YTHDF3: variants seen among roughly 807,000 people sequenced by gnomAD.
YTHDF3 encodes YTH domain-containing family protein 3.
YTHDF3 carries 9 observed loss-of-function variants against 52.5 expected under a neutral mutation model. That is an observed-to-expected ratio of 0.17 (90% CI 0.10 to 0.30). The LOEUF is 0.30. Ranked by LOEUF, YTHDF3 falls within the 10% of genes least tolerant of loss-of-function variation. The pLI, the probability that YTHDF3 is intolerant of heterozygous loss-of-function variation, is 1.00. For missense variants in YTHDF3, 534 were observed against 715.0 expected, an observed-to-expected ratio of 0.75 and a Z score of 2.89; for synonymous variants, 274 against 243.3, an observed-to-expected ratio of 1.13 and a Z score of -1.18.
intron 4 of YTHDF3, among the ~76,000 whole-genome samples, chr8:63,196,316 C>A (rs551819004): frequency 3.0e-4 from 45 of 150,960 alleles, no homozygotes; most frequent in Admixed American, 9.9e-4. Flanking sequence ...AATCACAGCA[C>A]TTTCGGAGGC....
chr8:63,169,536 T>C, intron 2 of YTHDF3, 125 bp downstream of exon 2: 1 of 1,093,636 alleles, frequency 9.1e-7, no homozygotes, highest in Non-Finnish European at 1.3e-6. Context: ...GGGAAAATAT[T>C]CATCATGGCT....
At chr8:63,200,700 A>G (rs934355554) in intron 4 of YTHDF3, among the ~76,000 whole-genome samples, 1 of 152,160 alleles carries the variant, frequency 6.6e-6, no homozygotes, top group Non-Finnish European at 1.5e-5. Context: ...CAGGTTTTCA[A>G]ATTTTTATTT....
Position 63,209,791 on chromosome 8 carries a change from G to T in YTHDF3, c.*85G>T, listed in dbSNP as rs1010534939. The T allele has an allele frequency of 1.4e-4, 192 of 1,325,824 alleles. 2 individuals carry two copies. The highest frequency in any genetic ancestry group is 6.4e-4 in the East Asian group (26 of 40,702). 82.1% of individuals were successfully genotyped at this position (1,325,824 alleles called of 1,614,324 possible). On this transcript the variant is annotated 3_prime_UTR_variant, in exon 5 of 5. Coordinates refer to ENST00000539294, the MANE Select transcript of YTHDF3 (RefSeq NM_152758.6). ...AATAAGTCAAAGAAGACGTATTAAA[G>T]CTCTTTTCTGCTTAAGGTGACATCT...
At chr8:63,204,046 A>G (rs1219612866) in intron 4 of YTHDF3, among the ~76,000 whole-genome samples, 1 of 152,220 alleles carries the variant, frequency 6.6e-6, no homozygotes, top group Non-Finnish European at 1.5e-5. Context: ...TGCAGCCCAC[A>G]CTTGAGGAAA....
At chr8:63,178,039 T>C (rs1181572986) in intron 3 of YTHDF3, among the ~76,000 whole-genome samples, 2 of 152,240 alleles carry the variant, frequency 1.3e-5, no homozygotes, top group Non-Finnish European at 2.9e-5. Flanking sequence ...ATTACAGGCA[T>C]GGAACACCGC....
In YTHDF3 at chr8:63,173,923, G is replaced by GTGTA. The variant is rs1307965341; in HGVS notation, c.50-1407_50-1404dup. On this transcript the variant is annotated intron_variant, in intron 2 of 4. Coordinates refer to ENST00000539294, the MANE Select transcript of YTHDF3 (RefSeq NM_152758.6). Reference sequence around the variant, plus strand: ...CTTGTGGCCTCTGAGGGGCAGTGTGGTGTAGTAAGAAGTCTACTTTGAATG... The same window carrying GTGTA: ...CTTGTGGCCTCTGAGGGGCAGTGTGGTGTATGTAGTAAGAAGTCTACTTTGAATG... Among the ~76,000 whole-genome samples the GTGTA allele has an allele frequency of 4.6e-5, 7 of 152,208 alleles. No individual in the cohort carries two copies. In the East Asian group the frequency reaches 1.4e-3, roughly 29 times the overall value.
intron 4 of YTHDF3, among the ~76,000 whole-genome samples, chr8:63,198,626 G>T (rs1334630328): frequency 6.6e-6 from 1 of 152,014 alleles, no homozygotes; most frequent in Non-Finnish European, 1.5e-5. Context: ...TTCATATTTG[G>T]AATAACTTTA....
rs532414619 is a variant in YTHDF3 at position 63,211,539 on chromosome 8, A to G, written c.*1833A>G. 22 of 152,678 alleles carry G rather than the reference A, an allele frequency of 1.4e-4. 1 individual carries two copies. The East Asian group carries it at 3.1e-3, about 21-fold the overall frequency. The allele number at this position is 152,678 out of a possible 1,614,324, so 9.5% of individuals were successfully genotyped here. A position where few individuals can be genotyped will look rare whatever the true frequency, so the allele number is the denominator to read the frequency against. On this transcript the variant is annotated 3_prime_UTR_variant, in exon 5 of 5. Coordinates refer to ENST00000539294, the MANE Select transcript of YTHDF3 (RefSeq NM_152758.6). ...TGACTGTTGTCATTCTGGAGGTCCT[A>G]TTAGAGAATATTATAAAAGGGTGAC...
At chr8:63,178,031 T>A (rs1181786050) in intron 3 of YTHDF3, among the ~76,000 whole-genome samples, 1 of 152,238 alleles carries the variant, frequency 6.6e-6, no homozygotes, top group East Asian at 1.9e-4. Flanking sequence ...GTGCTGGGAT[T>A]ACAGGCATGG....
chr8:63,173,202 T>TTTTATATATATATA lies in YTHDF3; in HGVS notation c.50-2128_50-2127insTTATATATATATAT, dbSNP rs1554533374. Among the ~76,000 whole-genome samples, 235 of 125,918 alleles carry TTTTATATATATATA rather than the reference T, an allele frequency of 1.9e-3. 8 individuals are homozygous for TTTTATATATATATA. Among genetic ancestry groups the TTTTATATATATATA allele is most frequent in the African/African-American group, 9.0e-3 (222 of 24,804 alleles). 82.6% of individuals were successfully genotyped at this position (125,918 alleles called of 152,430 possible). A position where few individuals can be genotyped will look rare whatever the true frequency, so the allele number is the denominator to read the frequency against. Reference sequence around the variant, plus strand: ...AAAAATAAGAATAACAGGATTATATTTATATATATATACAGATAAATTTTA... The same window carrying TTTTATATATATATA: ...AAAAATAAGAATAACAGGATTATATTTTTATATATATATATATATATATATACAGATAAATTTTA... On this transcript the variant is annotated intron_variant, in intron 2 of 4. Transcript: ENST00000539294.
chr8:63,186,826 A>G lies in YTHDF3; in HGVS notation c.815A>G (p.His272Arg). The G allele has an allele frequency of 6.2e-7, 1 of 1,613,992 alleles. No homozygotes were observed. Among genetic ancestry groups the G allele is most frequent in the Non-Finnish European group, 8.5e-7 (1 of 1,179,882 alleles). Residue 272 changes from histidine (H) to arginine (R), a missense_variant, in exon 4 of 5, where the codon CAC becomes CGC. Coordinates refer to ENST00000539294, the MANE Select transcript of YTHDF3 (RefSeq NM_152758.6). ...GCTGTACCACCACCTCCTATAAAACACAACATGAATATTGGAACTTGGGAT... is the reference window on the plus strand; with the variant it reads ...GCTGTACCACCACCTCCTATAAAACGCAACATGAATATTGGAACTTGGGAT... ...GSAVPPPPIK[H>R]NMNIGTWDEK...
At chr8:63,193,301 C>G (rs146511707) in intron 4 of YTHDF3, among the ~76,000 whole-genome samples, 25 of 143,910 alleles carry the variant, frequency 1.7e-4, no homozygotes, top group African/African-American at 5.7e-4. Flanking sequence ...TTGGTTGAAC[C>G]AGGGAGGTGG....
At chr8:63,203,820 TC>T (rs1422533780) in intron 4 of YTHDF3, among the ~76,000 whole-genome samples, 1 of 152,210 alleles carries the variant, frequency 6.6e-6, no homozygotes, top group African/African-American at 2.4e-5. Flanking sequence ...TCCCTCAATT[TC>T]GGTTTGGCTG....
chr8:63,169,088 G>A, intron 1 of YTHDF3, 187 bp downstream of exon 1: 1 of 1,383,480 alleles, frequency 7.2e-7, no homozygotes, highest in Non-Finnish European at 9.3e-7. Flanking sequence ...CGGGCGGGCG[G>A]GCGCGGTGCC....
chr8:63,192,013 T>C (rs1344055660), intron 4 of YTHDF3, among the ~76,000 whole-genome samples: 2 of 152,192 alleles, frequency 1.3e-5, no homozygotes, highest in East Asian at 3.8e-4. Context: ...ACAATAAAAT[T>C]CACTTTTGGC....
Position 63,210,834 on chromosome 8 carries a change from TA to T in YTHDF3, c.*1129del, listed in dbSNP as rs1201081965. 3.3e-5 allele frequency: 5 copies of T among 152,610 alleles called. No homozygotes were observed. Among genetic ancestry groups the T allele is most frequent in the African/African-American group, 1.2e-4 (5 of 41,468 alleles). 9.5% of individuals were successfully genotyped at this position (152,610 alleles called of 1,614,324 possible). Reference sequence around the variant, plus strand: ...TCTTATAGTTATCTTTTTAACATCTTATTTTTTTCATTAATTACATATCAAC... The same window carrying T: ...TCTTATAGTTATCTTTTTAACATCTTTTTTTTTCATTAATTACATATCAAC... On this transcript the variant is annotated 3_prime_UTR_variant, in exon 5 of 5. Coordinates refer to ENST00000539294, the MANE Select transcript of YTHDF3 (RefSeq NM_152758.6).
Position 63,168,929 on chromosome 8 carries a change from C to T in YTHDF3, c.24+28C>T, listed in dbSNP as rs1343081080. 3.9e-6 allele frequency: 6 copies of T among 1,549,216 alleles called. No individual in the cohort carries two copies. The African/African-American group carries it at 5.5e-5, about 14-fold the overall frequency. ...GAGGGAGCAGAGGCCCCAGGCTTGGCGAAGGCCCGAGCCCCGGAGCTCCAC... is the reference window on the plus strand; with the variant it reads ...GAGGGAGCAGAGGCCCCAGGCTTGGTGAAGGCCCGAGCCCCGGAGCTCCAC... On this transcript the variant is annotated intron_variant, in intron 1 of 4. Transcript: ENST00000539294.
intron 4 of YTHDF3, among the ~76,000 whole-genome samples, chr8:63,191,694 T>TCAGTG (rs1255534442): frequency 6.6e-6 from 1 of 152,208 alleles, no homozygotes; most frequent in East Asian, 1.9e-4. Context: ...ACTGAACCAC[T>TCAGTG]GATTGGTTGT....
At chr8:63,176,152 G>GA (rs759799458) in intron 3 of YTHDF3, among the ~76,000 whole-genome samples, 85 of 152,116 alleles carry the variant, frequency 5.6e-4, no homozygotes, top group Middle Eastern at 6.8e-3. Context: ...AGAAATAAAT[G>GA]AAAAAATACA....
Sources: gnomAD v4.1 joint callset for allele counts (sites outside exome capture counted in the v4.1 genomes callset) on GRCh38, gnomAD v4.1.1 for gene constraint, MANE v1.5 for transcripts, NCBI Gene and HGNC (gene_info 2026-07-23, HGNC 2026-07-21) for gene names.